TASP1: variants seen among roughly 807,000 people sequenced by gnomAD.
TASP1 encodes threonine aspartase 1.
TASP1 carries 16 observed loss-of-function variants against 56.6 expected under a neutral mutation model. That is an observed-to-expected ratio of 0.28 (90% CI 0.19 to 0.43). The LOEUF is 0.43. Ranked by LOEUF, TASP1 falls within the 20% of genes least tolerant of loss-of-function variation. The pLI, the probability that TASP1 is intolerant of heterozygous loss-of-function variation, is 1.00. For missense variants in TASP1, 393 were observed against 511.6 expected (o/e 0.77, Z 2.24); for synonymous variants, 179 against 184.2 (o/e 0.97, Z 0.23).
rs140872433 is a variant in TASP1 at position 13,436,569 on chromosome 20, G to C, written c.986-1415C>G. Among the ~76,000 whole-genome samples, 14 of 152,222 alleles carry C rather than the reference G, an allele frequency of 9.2e-5. No homozygotes were observed. The East Asian group carries it at 2.3e-3, about 25-fold the overall frequency. ...CCAGGATATTTACTCTCTAAAGAAGGTGAACTAGAGAGTTGAGACTTGGGA... is the reference window on the plus strand; with the variant it reads ...CCAGGATATTTACTCTCTAAAGAAGCTGAACTAGAGAGTTGAGACTTGGGA... On this transcript the variant is annotated intron_variant, in intron 11 of 13. Coordinates refer to ENST00000337743, the MANE Select transcript of TASP1 (RefSeq NM_017714.3).
chr20:13,310,590 A>G, the TASP1 span, among the ~76,000 whole-genome samples: 3 of 152,226 alleles, frequency 2.0e-5, no homozygotes. Context: ...CAAAGGAAAA[A>G]GGTTCTGCAC....
the TASP1 span, among the ~76,000 whole-genome samples, chr20:13,358,984 G>A: frequency 2.8e-4 from 41 of 147,418 alleles, no homozygotes; most frequent in Non-Finnish European, 5.2e-4. Flanking sequence ...CTTTCCTGGG[G>A]CAGGGTCAAG....
the TASP1 span, among the ~76,000 whole-genome samples, chr20:13,212,890 C>T: frequency 3.2e-3 from 493 of 152,308 alleles, 1 homozygote; most frequent in African/African-American, 0.011. Flanking sequence ...AGTTTAGACA[C>T]ATCTGGCTCA....
chr20:13,563,197 A>T (rs1324224453), intron 7 of TASP1, among the ~76,000 whole-genome samples: 1 of 151,750 alleles, frequency 6.6e-6, no homozygotes, highest in Non-Finnish European at 1.5e-5. Context: ...AAATGAAATT[A>T]ACAAAGTCCA....
chr20:13,590,399 G>A (rs2047479305), intron 4 of TASP1, among the ~76,000 whole-genome samples: 1 of 152,022 alleles, frequency 6.6e-6, no homozygotes, highest in East Asian at 1.9e-4. Context: ...GAATAATATG[G>A]CCCACAACCA....
At chr20:13,501,746 T>A (rs971004138) in intron 10 of TASP1, among the ~76,000 whole-genome samples, 1 of 152,022 alleles carries the variant, frequency 6.6e-6, no homozygotes, top group East Asian at 1.9e-4. Context: ...TTTTTATTAA[T>A]AAATGGGAGA....
chr20:13,442,654 A>G (rs2043262798), intron 11 of TASP1, among the ~76,000 whole-genome samples: 1 of 151,496 alleles, frequency 6.6e-6, no homozygotes, highest in Admixed American at 6.6e-5. Context: ...AAAACAAACA[A>G]ACAAACAAAC....
rs961833182 is a variant in TASP1, at chr20:13,393,502, C to T, written c.1171-3050G>A. The T allele has an allele frequency of 1.4e-5, 11 of 785,858 alleles. No individual in the cohort carries two copies. In the East Asian group the frequency reaches 1.8e-4, roughly 13 times the overall value. The allele number at this position is 785,858 out of a possible 1,614,324, so 48.7% of individuals were successfully genotyped here. A position where few individuals can be genotyped will look rare whatever the true frequency, so the allele number is the denominator to read the frequency against. On this transcript the variant is annotated intron_variant, in intron 13 of 13. Coordinates refer to ENST00000337743, the MANE Select transcript of TASP1 (RefSeq NM_017714.3). The stretch of plus-strand genomic sequence containing the variant: ...CCCCTCAAGGGCATCCTGGACTACA[C>T]TGAGCACCAGATTGTCTCCTCCAAC...
At position 13,593,355 on chromosome 20, in the gene TASP1, T is replaced by C. The variant is rs145253708; in HGVS notation, c.283-5985A>G. On this transcript the variant is annotated intron_variant, in intron 4 of 13. Transcript: ENST00000337743. ...ACCTGGTTCATCTCACTGGGACTGGTTGGACAGTGGGTGGAGGCCACGGAG... is the reference window on the plus strand; with the variant it reads ...ACCTGGTTCATCTCACTGGGACTGGCTGGACAGTGGGTGGAGGCCACGGAG... Among the ~76,000 whole-genome samples, 446 of 152,180 alleles carry C rather than the reference T, an allele frequency of 2.9e-3. 1 individual carries two copies. The highest frequency in any genetic ancestry group is 4.9e-3 in the Non-Finnish European group (331 of 67,976).
chr20:13,265,945 A>G, the TASP1 span, among the ~76,000 whole-genome samples: 1 of 152,300 alleles, frequency 6.6e-6, no homozygotes, highest in South Asian at 2.1e-4. Flanking sequence ...CTTAGACTAC[A>G]GCCTCCATCC....
chr20:13,340,263 G>A, the TASP1 span, among the ~76,000 whole-genome samples: 1 of 152,136 alleles, frequency 6.6e-6, no homozygotes, highest in African/African-American at 2.4e-5. Flanking sequence ...GAGGAAGACA[G>A]CCAATATATT....
intron 11 of TASP1, among the ~76,000 whole-genome samples, chr20:13,452,392 A>T (rs1055092334): frequency 6.6e-6 from 1 of 151,524 alleles, no homozygotes; most frequent in African/African-American, 2.4e-5. Context: ...TGCTCTCCCA[A>T]GCAGTGTGAT....
the TASP1 span, chr20:13,279,897 T>A: frequency 6.2e-7 from 1 of 1,613,702 alleles, no homozygotes; most frequent in Non-Finnish European, 8.5e-7. Flanking sequence ...AGCCAGAATA[T>A]GGTGAGTTTA....
the TASP1 span, among the ~76,000 whole-genome samples, chr20:13,196,629 A>G: frequency 6.6e-6 from 1 of 152,204 alleles, no homozygotes; most frequent in Non-Finnish European, 1.5e-5. Flanking sequence ...TAATATGAAA[A>G]AATATATTTT....
At chr20:13,137,480 A>G in the TASP1 span, among the ~76,000 whole-genome samples, 2 of 151,780 alleles carry the variant, frequency 1.3e-5, no homozygotes, top group East Asian at 3.9e-4. Context: ...GTTATAATAT[A>G]TATATTAATA....
At chr20:13,489,712 C>T (rs1264323698) in intron 10 of TASP1, among the ~76,000 whole-genome samples, 4 of 152,166 alleles carry the variant, frequency 2.6e-5, no homozygotes, top group East Asian at 1.9e-4. Context: ...GCTTTAGCAA[C>T]GCAATTCAGT....
At chr20:13,164,371 C>T in the TASP1 span, 9 of 473,128 alleles carry the variant, frequency 1.9e-5, no homozygotes, top group Middle Eastern at 1.3e-3. Flanking sequence ...TTTGCTGTGT[C>T]ATGAAGATAT....
intron 10 of TASP1, among the ~76,000 whole-genome samples, chr20:13,507,154 A>T (rs950297228): frequency 5.3e-5 from 8 of 152,180 alleles, no homozygotes; most frequent in Admixed American, 5.2e-4. Flanking sequence ...TTAAGAAAAT[A>T]ATCCCATTTA....
the TASP1 span, chr20:13,237,969 A>T: frequency 6.6e-6 from 1 of 152,226 alleles, no homozygotes; most frequent in Admixed American, 6.5e-5. Context: ...GATGCGGTCC[A>T]TATGAAAAGA....
Sources: allele counts gnomAD v4.1 joint callset (sites outside exome capture counted in the v4.1 genomes callset), GRCh38; gene constraint gnomAD v4.1.1; transcripts MANE v1.5; gene names NCBI Gene and HGNC (gene_info 2026-07-23, HGNC 2026-07-21).